The following ARHGAP24 variants were observed in gnomAD, a reference collection of about 807,000 sequenced individuals.
The protein encoded by ARHGAP24 is Rho GTPase activating protein 24.
In ARHGAP24, 50 loss-of-function variants were observed where a neutral mutation model predicts 76.4. The observed-to-expected ratio is 0.65, with a 90% CI of 0.52 to 0.83. The LOEUF is 0.83. Among genes scored for constraint, ARHGAP24 ranks in the 40% least tolerant of loss-of-function variants. The pLI is 0.00. For synonymous variants in ARHGAP24, 345 were observed against 323.3 expected, an observed-to-expected ratio of 1.07 and a Z score of -0.72; for missense variants, 930 against 914.2, an observed-to-expected ratio of 1.02 and a Z score of -0.22.
intron 2 of ARHGAP24, among the ~76,000 whole-genome samples, chr4:85,649,011 A>ATGTGTGTGTGTGTGTG (rs3028048): frequency 1.0e-4 from 15 of 148,030 alleles, no homozygotes; most frequent in African/African-American, 3.4e-4. Flanking sequence ...ATTTGTAAAT[A>ATGTGTGTGTGTGTGTG]TGTGTGTGTG....
At chr4:85,764,342 G>C (rs960832547) in intron 3 of ARHGAP24, among the ~76,000 whole-genome samples, 1 of 152,110 alleles carries the variant, frequency 6.6e-6, no homozygotes, top group East Asian at 1.9e-4. Flanking sequence ...TATCATCAAT[G>C]CGTTAAAAGG....
chr4:85,580,599 A>G lies in ARHGAP24; in HGVS notation c.180+9878A>G, dbSNP rs1727568537. The stretch of plus-strand genomic sequence containing the variant: ...CCCCAAAATTTTCTTTGCTCTACGA[A>G]CTTTTTCCAGTTCTTTTGTCTATTA... On this transcript the variant is annotated intron_variant, in intron 2 of 9. Transcript: ENST00000395184. Among the ~76,000 whole-genome samples, 4 of 152,170 alleles carry G rather than the reference A, an allele frequency of 2.6e-5. No homozygotes were observed. In the South Asian group the frequency reaches 8.3e-4, roughly 32 times the overall value.
intron 2 of ARHGAP24, among the ~76,000 whole-genome samples, chr4:85,676,207 G>C (rs569820501): frequency 6.6e-6 from 1 of 152,102 alleles, no homozygotes; most frequent in Non-Finnish European, 1.5e-5. Flanking sequence ...AAAATGAAAG[G>C]CATAATAAAT....
intron 3 of ARHGAP24, among the ~76,000 whole-genome samples, chr4:85,839,857 T>C (rs1258909985): frequency 2.2e-5 from 3 of 137,510 alleles, no homozygotes; most frequent in African/African-American, 8.0e-5. Context: ...TTTTTTTTTT[T>C]TTTTTTTTTT....
intron 2 of ARHGAP24, among the ~76,000 whole-genome samples, chr4:85,699,699 T>A (rs1243672243): frequency 1.3e-5 from 2 of 152,146 alleles, no homozygotes; most frequent in Admixed American, 6.5e-5. Context: ...AACTCCTGAC[T>A]TCACTTTCTC....
At chr4:85,923,588 G>A in intron 3 of ARHGAP24, 60 bp from the exon 4 acceptor site, 9 of 1,609,966 alleles carry the variant, frequency 5.6e-6, no homozygotes, top group Non-Finnish European at 7.6e-6. Flanking sequence ...TTCTTCTGGA[G>A]GCTGATCATG....
At chr4:85,594,470 G>A (rs573851614) in intron 2 of ARHGAP24, among the ~76,000 whole-genome samples, 3 of 152,036 alleles carry the variant, frequency 2.0e-5, no homozygotes, top group Non-Finnish European at 4.4e-5. Flanking sequence ...CTGTAACTAG[G>A]ACTTCCAGAA....
chr4:86,000,538 A>G lies in ARHGAP24; in HGVS notation c.2063A>G (p.Asp688Gly), dbSNP rs768323502. The change falls in exon 10 of 10, where the codon GAT becomes GGT. Residue 688 changes from aspartate (D) to glycine (G), a missense_variant. Coordinates refer to ENST00000395184, the MANE Select transcript of ARHGAP24 (RefSeq NM_001025616.3). ...TEMMSLHDEL[D>G]QERKKFTMIE... Reference sequence around the variant, plus strand: ...ATGATGAGCCTCCATGATGAACTGGATCAGGAGAGGAAAAAGTTCACAATG... The same window carrying G: ...ATGATGAGCCTCCATGATGAACTGGGTCAGGAGAGGAAAAAGTTCACAATG... 6.3e-7 allele frequency: 1 copy of G among 1,599,808 alleles called. No homozygotes were observed. Among genetic ancestry groups the G allele is most frequent in the Non-Finnish European group, 8.5e-7 (1 of 1,173,554 alleles).
intron 4 of ARHGAP24, among the ~76,000 whole-genome samples, chr4:85,928,023 G>T (rs903458395): frequency 2.0e-5 from 3 of 152,066 alleles, no homozygotes; most frequent in Admixed American, 6.5e-5. Flanking sequence ...ATACTCATAT[G>T]GGGCAGGGAA....
chr4:85,786,434 G>A (rs771335870), intron 3 of ARHGAP24, among the ~76,000 whole-genome samples: 2 of 152,094 alleles, frequency 1.3e-5, no homozygotes, highest in African/African-American at 2.4e-5. Flanking sequence ...ATGTTTTCTT[G>A]ACTTTGAACT....
chr4:85,712,170 T>C (rs1358994617), intron 2 of ARHGAP24, among the ~76,000 whole-genome samples: 1 of 152,204 alleles, frequency 6.6e-6, no homozygotes, highest in East Asian at 1.9e-4. Flanking sequence ...TTGCCACAGA[T>C]ACTCTGCCTT....
chr4:85,994,500 T>C, intron 8 of ARHGAP24, 83 bp from the exon 9 acceptor site: 2 of 1,279,140 alleles, frequency 1.6e-6, no homozygotes, highest in South Asian at 2.4e-5. Flanking sequence ...TTCTCTTGAA[T>C]GTGTTTCTTT....
chr4:85,745,314 G>A (rs1560612639), intron 3 of ARHGAP24, among the ~76,000 whole-genome samples: 2 of 146,616 alleles, frequency 1.4e-5, no homozygotes, highest in East Asian at 2.0e-4. Flanking sequence ...ATATATAGTA[G>A]TATATGTATA....
At chr4:85,548,333 T>C (rs1029105725) in intron 1 of ARHGAP24, among the ~76,000 whole-genome samples, 15 of 152,330 alleles carry the variant, frequency 9.8e-5, no homozygotes, top group African/African-American at 3.4e-4. Flanking sequence ...TTGCTACTGA[T>C]ATGTTAATAC....
rs113157702 is a variant in ARHGAP24 at position 85,577,238 on chromosome 4, A to AT, written c.180+6517_180+6518insT. 2.0e-3 allele frequency among the ~76,000 whole-genome samples: 294 copies of AT among 148,232 alleles called. 1 individual carries two copies. Among genetic ancestry groups the AT allele is most frequent in the African/African-American group, 6.2e-3 (252 of 40,882 alleles). On this transcript the variant is annotated intron_variant, in intron 2 of 9. Transcript: ENST00000395184. Reference sequence around the variant, plus strand: ...TATAATATATATCATAGGAAAAAAAAATATATATATAATAGATCCCTCAAA... The same window carrying AT: ...TATAATATATATCATAGGAAAAAAAATATATATATATAATAGATCCCTCAAA...
chr4:85,979,973 G>C (rs1305644368), intron 8 of ARHGAP24, among the ~76,000 whole-genome samples: 1 of 152,176 alleles, frequency 6.6e-6, no homozygotes, highest in East Asian at 1.9e-4. Context: ...GCATCTTCAA[G>C]TTGTCTTCTT....
rs375835916 is a variant in ARHGAP24 at position 85,988,856 on chromosome 4, A to G, written c.929-5727A>G. On this transcript the variant is annotated intron_variant, in intron 8 of 9. Transcript: ENST00000395184. ...CAGGTATGTTTAAAAACTAAATGAA[A>G]GGAAAAAGTTCTACCAAGTTTGTGT... 9.9e-5 allele frequency among the ~76,000 whole-genome samples: 15 copies of G among 151,888 alleles called. No homozygotes were observed. The East Asian group carries it at 1.7e-3, about 18-fold the overall frequency.
chr4:85,801,161 T>C (rs1472370195), intron 3 of ARHGAP24, among the ~76,000 whole-genome samples: 1 of 152,146 alleles, frequency 6.6e-6, no homozygotes, highest in Non-Finnish European at 1.5e-5. Context: ...AATTTTAAAG[T>C]GCATTAAAAA....
intron 1 of ARHGAP24, among the ~76,000 whole-genome samples, chr4:85,497,347 A>G (rs1723621705): frequency 6.6e-6 from 1 of 152,230 alleles, no homozygotes; most frequent in Non-Finnish European, 1.5e-5. Flanking sequence ...GTGAGCTTTA[A>G]ATTCAGCGTC....
Sources: allele counts gnomAD v4.1 joint callset (sites outside exome capture counted in the v4.1 genomes callset), GRCh38; gene constraint gnomAD v4.1.1; transcripts MANE v1.5; gene names NCBI Gene and HGNC (gene_info 2026-07-23, HGNC 2026-07-21).